CARMIL3: variants seen among roughly 807,000 people sequenced by gnomAD.
The protein encoded by CARMIL3 is capping protein regulator and myosin 1 linker 3.
A neutral mutation model predicts 180.8 loss-of-function variants in CARMIL3; 88 were observed. That is an observed-to-expected ratio of 0.49 (90% confidence interval 0.41 to 0.58). The LOEUF (loss-of-function observed/expected upper bound fraction) is 0.58. Among genes scored for constraint, CARMIL3 ranks in the 20% least tolerant of loss-of-function variants. The probability of loss-of-function intolerance (pLI) is 0.00; values close to 1 mark genes in which losing one functional copy is unlikely to be tolerated. For missense variants in CARMIL3, 1,548 were observed against 1,787.0 expected (o/e 0.87, Z 2.41); for synonymous variants, 696 against 714.5 (o/e 0.97, Z 0.41).
At chr14:24,053,634 C>G (rs1219537635) in intron 1 of CARMIL3, 75 bp from the exon 2 acceptor site, 8 of 1,102,712 alleles carry the variant, frequency 7.3e-6, no homozygotes, top group Middle Eastern at 2.1e-4. Context: ...GACCCTGCCT[C>G]TATCTGGAGA....
At chr14:24,053,899 T>C (rs1425512737) in intron 2 of CARMIL3, 96 bp downstream of exon 2, 2 of 1,239,902 alleles carry the variant, frequency 1.6e-6, no homozygotes, top group African/African-American at 3.0e-5. Context: ...GAGACAGAAG[T>C]GGGTGGACAC....
intron 27 of CARMIL3, chr14:24,062,221 C>T: frequency 1.8e-6 from 1 of 565,162 alleles, no homozygotes; most frequent in South Asian, 2.1e-5. Flanking sequence ...TGACCTAGGG[C>T]CCCCTTGCTC....
At chr14:24,064,379 A>AG (rs1308243297) in intron 32 of CARMIL3, 33 bp downstream of exon 32, 1 of 1,503,772 alleles carries the variant, frequency 6.6e-7, no homozygotes, top group African/African-American at 1.4e-5. Flanking sequence ...CATTTTCAGC[A>AG]GGCCCCAAGG....
Position 24,059,854 on chromosome 14 carries a change from G to C in CARMIL3, c.1869-116G>C. On this transcript the variant is annotated intron_variant, in intron 22 of 39. Coordinates refer to ENST00000342740, the MANE Select transcript of CARMIL3 (RefSeq NM_138360.4). This position sits in a 1 kb window ranked among gnomAD's most constrained non-coding sequence, Gnocchi z 6.3. ...CTATTTGCACAGAAATTTTAGGAAG[G>C]GCCATGGAAGACAGAAATGATGAGC... The C allele has an allele frequency of 1.3e-6, 2 of 1,527,188 alleles. No homozygotes were observed. Among genetic ancestry groups the C allele is most frequent in the Non-Finnish European group, 1.8e-6 (2 of 1,103,668 alleles). 94.6% of individuals were successfully genotyped at this position (1,527,188 alleles called of 1,614,324 possible). A position where few individuals can be genotyped will look rare whatever the true frequency, so the allele number is the denominator to read the frequency against.
chr14:24,053,471 G>C (rs545446001), intron 1 of CARMIL3, among the ~76,000 whole-genome samples: 2 of 152,330 alleles, frequency 1.3e-5, no homozygotes, highest in Admixed American at 6.5e-5. Flanking sequence ...AGGGACATCA[G>C]GAGCCGGAGT....
At position 24,068,807 on chromosome 14, in the gene CARMIL3, C is replaced by G; in HGVS notation, c.3823C>G (p.Pro1275Ala). ...CCAGCTACAGGACCCCGCTCTAGCTCCATGGCCTCCCAAGCCAGTGGCTGT... is the reference window on the plus strand; with the variant it reads ...CCAGCTACAGGACCCCGCTCTAGCTGCATGGCCTCCCAAGCCAGTGGCTGT... ...NAKLQDPALA[P>A]WPPKPVAVPR... The change falls in exon 38 of 40, where the codon CCA becomes GCA. Residue 1275 changes from proline (P) to alanine (A), a missense_variant. Around this residue, in one of 4 missense-constraint regions of CARMIL3, gnomAD observed 668 missense variants for 687.8 expected, o/e 0.97. Transcript: ENST00000342740. 6.2e-7 allele frequency: 1 copy of G among 1,613,956 alleles called. No homozygotes were observed. Among genetic ancestry groups the G allele is most frequent in the Non-Finnish European group, 8.5e-7 (1 of 1,180,028 alleles).
rs550796186 is a variant in CARMIL3 at position 24,060,076 on chromosome 14, G to T, written c.1962+13G>T. 7 of 1,613,840 alleles carry T rather than the reference G, an allele frequency of 4.3e-6. 1 individual carries two copies. In the Admixed American group the frequency reaches 1.2e-4, roughly 27 times the overall value. The stretch of plus-strand genomic sequence containing the variant: ...CGTCTGGCAGAAGGTGCAGGGTGCT[G>T]TCCTAAGCAGGGTGGCACAGCAAGG... On this transcript the variant is annotated intron_variant, in intron 23 of 39. Coordinates refer to ENST00000342740, the MANE Select transcript of CARMIL3 (RefSeq NM_138360.4).
chr14:24,053,877 G>T (rs755786621), intron 2 of CARMIL3, 74 bp downstream of exon 2: 4 of 1,372,026 alleles, frequency 2.9e-6, no homozygotes, highest in East Asian at 4.8e-5. Context: ...GCAGGGAGCC[G>T]GGAGGACAGA....
At position 24,065,165 on chromosome 14, in the gene CARMIL3, C is replaced by T. The variant is rs752368658; in HGVS notation, c.3288C>T (p.Asp1096=). 2.0e-6 allele frequency: 3 copies of T among 1,487,310 alleles called. No homozygotes were observed. The highest frequency in any genetic ancestry group is 2.5e-5 in the East Asian group (1 of 40,592). 92.1% of individuals were successfully genotyped at this position (1,487,310 alleles called of 1,614,324 possible). A position where few individuals can be genotyped will look rare whatever the true frequency, so the allele number is the denominator to read the frequency against. The change falls in exon 33 of 40, where the codon GAC becomes GAT. Residue 1096 remains aspartate (D), a synonymous_variant. Coordinates refer to ENST00000342740, the MANE Select transcript of CARMIL3 (RefSeq NM_138360.4). Reference sequence around the variant, plus strand: ...CTCAGGAGAGCCCCCCTAGCCCAGACCCCCCAAGCCTCGGCAATAACTCCT... The same window carrying T: ...CTCAGGAGAGCCCCCCTAGCCCAGATCCCCCAAGCCTCGGCAATAACTCCT... ...PPTQESPPSP[D]PPSLGNNSSP...
At position 24,058,051 on chromosome 14, in the gene CARMIL3, C is replaced by T. The variant is rs1379809598; in HGVS notation, c.1309C>T (p.Leu437=). Residue 437 remains leucine (L), a synonymous_variant, in exon 16 of 40, where the codon CTG becomes TTG. Transcript: ENST00000342740. This position sits in a 1 kb window ranked among gnomAD's most constrained non-coding sequence, Gnocchi z 6.4. The part of the protein sequence containing the change: ...HVNLSATKLP[L]EALRALLQGL... ...CAATCTGTCGGCCACAAAGCTGCCCCTGGAGGCCCTCAGGTCGGGTGGGTG... is the reference window on the plus strand; with the variant it reads ...CAATCTGTCGGCCACAAAGCTGCCCTTGGAGGCCCTCAGGTCGGGTGGGTG... 2.5e-6 allele frequency: 4 copies of T among 1,613,748 alleles called. No homozygotes were observed. Among genetic ancestry groups the T allele is most frequent in the Non-Finnish European group, 3.4e-6 (4 of 1,180,024 alleles).
chr14:24,055,840 G>C (rs2138710303), intron 10 of CARMIL3, 51 bp downstream of exon 10: 1 of 1,543,146 alleles, frequency 6.5e-7, no homozygotes, highest in South Asian at 1.1e-5. Context: ...TGTAGTTTTA[G>C]GGTCCCAGAA....
rs1402600121 is a variant in CARMIL3, at chr14:24,054,043, G to A, written c.136-45G>A. The A allele has an allele frequency of 6.2e-7, 1 of 1,608,712 alleles. No individual in the cohort carries two copies. Among genetic ancestry groups the A allele is most frequent in the Non-Finnish European group, 8.5e-7 (1 of 1,177,068 alleles). ...GCTTAAGGAGGGCAGGGCCACCAAGGCCCAGCAGCTGCCATGAGCTGCCGA... is the reference window on the plus strand; with the variant it reads ...GCTTAAGGAGGGCAGGGCCACCAAGACCCAGCAGCTGCCATGAGCTGCCGA... On this transcript the variant is annotated intron_variant, in intron 2 of 39. Transcript: ENST00000342740. The surrounding 1 kb of genome is among the most constrained non-coding windows in gnomAD (Gnocchi z 5.1).
rs2035657310 is a variant in CARMIL3, at chr14:24,054,946, T to C, written c.461-120T>C. ...CTCCCAGCTCCCAGACCTCAGGAAG[T>C]TCATGGCATAGCAAGAACCAAGAGC... On this transcript the variant is annotated intron_variant, in intron 6 of 39. Transcript: ENST00000342740. The surrounding 1 kb of genome is among the most constrained non-coding windows in gnomAD (Gnocchi z 5.1). 7.1e-7 allele frequency: 1 copy of C among 1,402,906 alleles called. No individual in the cohort carries two copies. The highest frequency in any genetic ancestry group is 1.0e-6 in the Non-Finnish European group (1 of 1,004,110). The allele number at this position is 1,402,906 out of a possible 1,614,324, so 86.9% of individuals were successfully genotyped here. A position where few individuals can be genotyped will look rare whatever the true frequency, so the allele number is the denominator to read the frequency against.
Position 24,062,475 on chromosome 14 carries a change from C to T in CARMIL3, c.2481-5C>T, listed in dbSNP as rs768641555. ...TGTTCTGAGTAGCCCCACCTGTGCC[C>T]ACAGTGAAGTGAAGCTCTCAGTCGT... On this transcript the variant is annotated splice_region_variant and splice_polypyrimidine_tract_variant and intron_variant, in intron 27 of 39. Transcript: ENST00000342740. 11 of 1,613,792 alleles carry T rather than the reference C, an allele frequency of 6.8e-6. No individual in the cohort carries two copies. Among genetic ancestry groups the T allele is most frequent in the Non-Finnish European group, 9.3e-6 (11 of 1,179,782 alleles).
Position 24,061,253 on chromosome 14 carries a change from C to A in CARMIL3, c.2304+213C>A. On this transcript the variant is annotated intron_variant, in intron 26 of 39. Transcript: ENST00000342740. The surrounding 1 kb of genome is among the most constrained non-coding windows in gnomAD (Gnocchi z 4.1). ...TTTGATGTTGGTCCCTGAACTCTGACCTCCCTGCTCTGGATTTGGATCCTT... is the reference window on the plus strand; with the variant it reads ...TTTGATGTTGGTCCCTGAACTCTGAACTCCCTGCTCTGGATTTGGATCCTT... 1 of 628,736 alleles carries A rather than the reference C, an allele frequency of 1.6e-6. No individual in the cohort carries two copies. Among genetic ancestry groups the A allele is most frequent in the African/African-American group, 1.8e-5 (1 of 54,424 alleles). The allele number at this position is 628,736 out of a possible 1,614,324, so 38.9% of individuals were successfully genotyped here.
chr14:24,064,481 T>A (rs937748770), intron 32 of CARMIL3, 135 bp downstream of exon 32: 9 of 681,346 alleles, frequency 1.3e-5, no homozygotes, highest in Non-Finnish European at 2.3e-5. Flanking sequence ...TTTCCCCACA[T>A]TCTCATCCTT....
At chr14:24,056,802 C>A in intron 12 of CARMIL3, 94 bp downstream of exon 12, 1 of 1,511,978 alleles carries the variant, frequency 6.6e-7, no homozygotes, top group South Asian at 1.1e-5. Context: ...CACACACCAC[C>A]TCAGGGATGG....
At chr14:24,063,303 T>G in intron 30 of CARMIL3, 22 bp from the exon 31 acceptor site, 1 of 1,595,022 alleles carries the variant, frequency 6.3e-7, no homozygotes, top group Non-Finnish European at 8.6e-7. Context: ...TGCTAGTCCC[T>G]CTAATGCTGC....
Position 24,068,945 on chromosome 14 carries a change from C to A in CARMIL3, c.3961C>A (p.Gln1321Lys), listed in dbSNP as rs1265071617. 6.4e-7 allele frequency: 1 copy of A among 1,569,110 alleles called. No homozygotes were observed. The highest frequency in any genetic ancestry group is 1.2e-5 in the South Asian group (1 of 86,554). ...PRLRLSSQQD[Q>K]EEPEVQGPPD... Reference sequence around the variant, plus strand: ...GCTGAGGCTGAGCTCACAGCAAGACCAAGAGGAGCCCGAAGTCCAAGGTCT... The same window carrying A: ...GCTGAGGCTGAGCTCACAGCAAGACAAAGAGGAGCCCGAAGTCCAAGGTCT... The change falls in exon 38 of 40, where the codon CAA (glutamine) becomes AAA (lysine). Residue 1321 changes from glutamine (Q) to lysine (K), a missense_variant. Transcript: ENST00000342740.
Sources: gnomAD v4.1 joint callset for allele counts (sites outside exome capture counted in the v4.1 genomes callset) on GRCh38, gnomAD v4.1.1 for gene constraint, gnomAD v4.1.1 regional missense constraint, Gnocchi (gnomAD v3.1) non-coding constraint, MANE v1.5 for transcripts, NCBI Gene and HGNC (gene_info 2026-07-23, HGNC 2026-07-21) for gene names.